GNPTAB: variants seen among roughly 807,000 people sequenced by gnomAD.
The protein encoded by GNPTAB is N-acetylglucosamine-1-phosphate transferase subunits alpha and beta, also known as N-acetylglucosamine-1-phosphotransferase subunits alpha/beta.
GNPTAB carries 92 observed loss-of-function variants against 136.6 expected under a neutral mutation model. The ratio of observed to expected loss-of-function variants is 0.67; its 90% CI spans 0.57 to 0.80. The LOEUF (loss-of-function observed/expected upper bound fraction) is 0.80, where lower values mean the gene tolerates loss of function less well. GNPTAB is among the 30% of genes least tolerant of loss of function. The pLI is 0.00. For synonymous variants in GNPTAB, 512 were observed against 535.1 expected (o/e 0.96, Z 0.60); for missense variants, 1,343 against 1,501.8 (o/e 0.89, Z 1.75).
Position 101,830,821 on chromosome 12 carries a change from G to A in GNPTAB, c.-146C>T, listed in dbSNP as rs1210316010. 1.1e-5 allele frequency: 3 copies of A among 263,248 alleles called. No individual in the cohort carries two copies. Among genetic ancestry groups the A allele is most frequent in the Non-Finnish European group, 2.2e-5 (3 of 138,448 alleles). The allele number at this position is 263,248 out of a possible 1,614,324, so 16.3% of individuals were successfully genotyped here. On this transcript the variant is annotated 5_prime_UTR_variant, in exon 1 of 21. Coordinates refer to ENST00000299314, the MANE Select transcript of GNPTAB (RefSeq NM_024312.5). ...GGGCGCCGCTCATTGCAGCTCCGGC[G>A]ACGGACGCCCGCTCGGCTCCGCGCC... is the stretch of plus-strand genomic sequence containing the variant.
chr12:101,819,289 G>C (rs1361530016), intron 1 of GNPTAB, among the ~76,000 whole-genome samples: 1 of 152,176 alleles, frequency 6.6e-6, no homozygotes, highest in Non-Finnish European at 1.5e-5. Flanking sequence ...TGGGATTACA[G>C]GCATGAGCCA....
At chr12:101,750,328 C>T (rs775180007) in intron 19 of GNPTAB, among the ~76,000 whole-genome samples, 2 of 152,202 alleles carry the variant, frequency 1.3e-5, no homozygotes, top group Admixed American at 1.3e-4. Flanking sequence ...ACATCCAAAA[C>T]GGCACTCGCC....
intron 1 of GNPTAB, among the ~76,000 whole-genome samples, chr12:101,801,314 G>C (rs1869609782): frequency 6.7e-6 from 1 of 150,042 alleles, no homozygotes; most frequent in Non-Finnish European, 1.5e-5. Flanking sequence ...GGCAGAGGTG[G>C]GTGGATCACT....
intron 1 of GNPTAB, among the ~76,000 whole-genome samples, chr12:101,821,185 AAGTGGC>A (rs1870777480): frequency 6.6e-6 from 1 of 152,154 alleles, no homozygotes; most frequent in Admixed American, 6.5e-5. Flanking sequence ...AATAGTAATG[AAGTGGC>A]AGTTAATGTC....
chr12:101,751,641 C>G (rs1164203650), intron 19 of GNPTAB, among the ~76,000 whole-genome samples: 1 of 152,238 alleles, frequency 6.6e-6, no homozygotes, highest in African/African-American at 2.4e-5. Flanking sequence ...CCAGCTACTT[C>G]AGCTGGAGCA....
rs1871336050 is a variant in GNPTAB, at chr12:101,830,783, G to A, written c.-108C>T. ...GGCCCCGGTCGGGCCGCCGCGCGCA[G>A]GTCACAGCCTCCGGGCGCCGCTCAT... On this transcript the variant is annotated 5_prime_UTR_variant, in exon 1 of 21. Coordinates refer to ENST00000299314, the MANE Select transcript of GNPTAB (RefSeq NM_024312.5). 2 of 523,682 alleles carry A rather than the reference G, an allele frequency of 3.8e-6. No individual in the cohort carries two copies. Among genetic ancestry groups the A allele is most frequent in the East Asian group, 8.0e-5 (2 of 24,882 alleles). The allele number at this position is 523,682 out of a possible 1,614,324, so 32.4% of individuals were successfully genotyped here.
At chr12:101,749,464 C>T (rs1952784530) in intron 19 of GNPTAB, among the ~76,000 whole-genome samples, 1 of 152,184 alleles carries the variant, frequency 6.6e-6, no homozygotes, top group African/African-American at 2.4e-5. Flanking sequence ...AACAAAACCA[C>T]TCTTTCATTC....
At chr12:101,759,236 G>A (rs1023125669) in intron 16 of GNPTAB, among the ~76,000 whole-genome samples, 5 of 151,698 alleles carry the variant, frequency 3.3e-5, no homozygotes, top group African/African-American at 7.3e-5. Flanking sequence ...GGTGGCGGGC[G>A]CCTGTAGTCC....
chr12:101,771,978 C>T (rs767562817), intron 7 of GNPTAB, among the ~76,000 whole-genome samples: 5 of 152,250 alleles, frequency 3.3e-5, no homozygotes, highest in Non-Finnish European at 7.3e-5. Context: ...TTTTGTGCCA[C>T]GTGCCTGGGA....
chr12:101,830,819 G>T lies in GNPTAB; in HGVS notation c.-144C>A, dbSNP rs1485650888. ...CCGGGCGCCGCTCATTGCAGCTCCG[G>T]CGACGGACGCCCGCTCGGCTCCGCG... On this transcript the variant is annotated 5_prime_UTR_variant, in exon 1 of 21. Coordinates refer to ENST00000299314, the MANE Select transcript of GNPTAB (RefSeq NM_024312.5). The T allele has an allele frequency of 3.7e-6, 1 of 271,120 alleles. No individual in the cohort carries two copies. Among genetic ancestry groups the T allele is most frequent in the Non-Finnish European group, 7.0e-6 (1 of 143,302 alleles). The allele number at this position is 271,120 out of a possible 1,614,324, so 16.8% of individuals were successfully genotyped here. A position where few individuals can be genotyped will look rare whatever the true frequency, so the allele number is the denominator to read the frequency against.
intron 18 of GNPTAB, among the ~76,000 whole-genome samples, chr12:101,755,969 T>C (rs1376283724): frequency 6.6e-6 from 1 of 152,204 alleles, no homozygotes; most frequent in Non-Finnish European, 1.5e-5. Flanking sequence ...AATTCTCACA[T>C]TATTACTACA....
At chr12:101,773,390 T>C in intron 7 of GNPTAB, 2 of 287,258 alleles carry the variant, frequency 7.0e-6, no homozygotes, top group Non-Finnish European at 1.4e-5. Context: ...TTTCACGAAG[T>C]CCCGAAGCTC....
chr12:101,792,781 G>C (rs989667435), intron 2 of GNPTAB, among the ~76,000 whole-genome samples: 2 of 152,068 alleles, frequency 1.3e-5, no homozygotes. Context: ...AGTATCTCTA[G>C]GGCAGAAATG....
At chr12:101,754,156 G>A (rs758341855) in intron 18 of GNPTAB, among the ~76,000 whole-genome samples, 4 of 152,074 alleles carry the variant, frequency 2.6e-5, no homozygotes, top group African/African-American at 4.8e-5. Flanking sequence ...GCCATGCATG[G>A]TGGCTCATGC....
At position 101,753,302 on chromosome 12, in the gene GNPTAB, C is replaced by G. The variant is rs1040448328; in HGVS notation, c.3602+70G>C. On this transcript the variant is annotated intron_variant, in intron 19 of 20. Transcript: ENST00000299314. ...ATTTCATAAAAAAAACATTTCATCACTAACATATAGATACATATGCATGTA... is the reference window on the plus strand; with the variant it reads ...ATTTCATAAAAAAAACATTTCATCAGTAACATATAGATACATATGCATGTA... 105 of 1,202,078 alleles carry G rather than the reference C, an allele frequency of 8.7e-5. 1 individual carries two copies. Among genetic ancestry groups the G allele is most frequent in the South Asian group, 4.2e-4 (33 of 78,092 alleles). 74.5% of individuals were successfully genotyped at this position (1,202,078 alleles called of 1,614,324 possible).
At chr12:101,796,468 C>A (rs1429570794) in intron 2 of GNPTAB, 1 of 619,554 alleles carries the variant, frequency 1.6e-6, no homozygotes, top group Non-Finnish European at 2.9e-6. Context: ...AGGGGCCACA[C>A]TAATCTTCTC....
At chr12:101,800,941 G>C (rs938979011) in intron 1 of GNPTAB, among the ~76,000 whole-genome samples, 1 of 151,880 alleles carries the variant, frequency 6.6e-6, no homozygotes, top group Non-Finnish European at 1.5e-5. Context: ...AAGATAAACA[G>C]TTAAGAAAAA....
At chr12:101,803,455 C>T (rs778306443) in intron 1 of GNPTAB, among the ~76,000 whole-genome samples, 42 of 152,112 alleles carry the variant, frequency 2.8e-4, no homozygotes, top group Non-Finnish European at 5.1e-4. Flanking sequence ...TGCAATAAAG[C>T]ACAACTTTAA....
At chr12:101,808,582 T>C (rs954250420) in intron 1 of GNPTAB, among the ~76,000 whole-genome samples, 3 of 152,090 alleles carry the variant, frequency 2.0e-5, no homozygotes, top group South Asian at 2.1e-4. Context: ...TTGGATTTGA[T>C]GGTAACTTTT....
Sources: allele counts gnomAD v4.1 joint callset (sites outside exome capture counted in the v4.1 genomes callset), GRCh38; gene constraint gnomAD v4.1.1; transcripts MANE v1.5; gene names NCBI Gene and HGNC (gene_info 2026-07-23, HGNC 2026-07-21).